Variants in SGIP1 observed in about 807,000 individuals in gnomAD.
SGIP1 encodes SH3-containing GRB2-like protein 3-interacting protein 1.
A neutral mutation model predicts 107.5 loss-of-function variants in SGIP1; 38 were observed. The observed-to-expected ratio is 0.35, with a 90% CI of 0.27 to 0.46. The LOEUF is 0.46. Among genes scored for constraint, SGIP1 ranks in the 20% least tolerant of loss-of-function variants. The pLI is 1.00. For synonymous variants in SGIP1, 365 were observed against 366.1 expected (o/e 1.00, Z 0.03); for missense variants, 929 against 1,019.5 (o/e 0.91, Z 1.21).
rs530074076 is a variant in SGIP1, at chr1:66,701,254, G to T, written c.1630+5761G>T. 6.6e-5 allele frequency among the ~76,000 whole-genome samples: 10 copies of T among 152,282 alleles called. No homozygotes were observed. In the South Asian group the frequency reaches 2.1e-3, roughly 32 times the overall value. On this transcript the variant is annotated intron_variant, in intron 18 of 24. Coordinates refer to ENST00000371037, the MANE Select transcript of SGIP1 (RefSeq NM_032291.4). Reference sequence around the variant, plus strand: ...GAAGATATGACCAATTTTCTGGGGAGCAATGGCTATGCTAAATTCACATTA... The same window carrying T: ...GAAGATATGACCAATTTTCTGGGGATCAATGGCTATGCTAAATTCACATTA...
chr1:66,742,517 T>TGC (rs2094486792), intron 24 of SGIP1, among the ~76,000 whole-genome samples: 2 of 127,866 alleles, frequency 1.6e-5, no homozygotes, highest in Non-Finnish European at 3.2e-5. Flanking sequence ...TCGCCCAGGC[T>TGC]GGAGTGCAGT....
intron 1 of SGIP1, among the ~76,000 whole-genome samples, chr1:66,554,164 G>A (rs985100501): frequency 6.6e-5 from 10 of 152,086 alleles, no homozygotes; most frequent in African/African-American, 2.4e-4. Flanking sequence ...TTTGCTTAAT[G>A]TGTGTTTCCT....
In SGIP1 at chr1:66,746,610, T is replaced by C. The variant is rs894782061; in HGVS notation, c.*3515T>C. On this transcript the variant is annotated 3_prime_UTR_variant, in exon 25 of 25. Transcript: ENST00000371037. ...GAGATATTAGCTCATTTAATTCTCTTATCAATCAAAAAATTGTAAGTACTC... is the reference window on the plus strand; with the variant it reads ...GAGATATTAGCTCATTTAATTCTCTCATCAATCAAAAAATTGTAAGTACTC... 6 of 152,136 alleles carry C rather than the reference T, an allele frequency of 3.9e-5. No homozygotes were observed. Among genetic ancestry groups the C allele is most frequent in the Non-Finnish European group, 7.4e-5 (5 of 67,962 alleles). The allele number at this position is 152,136 out of a possible 1,614,324, so 9.4% of individuals were successfully genotyped here.
At chr1:66,540,813 G>C in intron 1 of SGIP1, among the ~76,000 whole-genome samples, 1 of 152,182 alleles carries the variant, frequency 6.6e-6, no homozygotes, top group South Asian at 2.1e-4. Flanking sequence ...CTGGCTGTAT[G>C]CCATGAGAAA....
chr1:66,610,147 T>C (rs574475241), intron 1 of SGIP1, among the ~76,000 whole-genome samples: 1 of 152,268 alleles, frequency 6.6e-6, no homozygotes, highest in South Asian at 2.1e-4. Context: ...TCTAGACATT[T>C]AGAAAATAAT....
chr1:66,732,103 AT>A (rs1481720115), intron 20 of SGIP1, among the ~76,000 whole-genome samples: 1 of 152,188 alleles, frequency 6.6e-6, no homozygotes, highest in Non-Finnish European at 1.5e-5. Context: ...CAGCAAATGT[AT>A]TTCTTTAAAA....
At chr1:66,610,712 T>G (rs924827595) in intron 1 of SGIP1, among the ~76,000 whole-genome samples, 1 of 83,634 alleles carries the variant, frequency 1.2e-5, no homozygotes, top group Non-Finnish European at 2.2e-5. Flanking sequence ...AGTCATAGTA[T>G]AGATTTTTTT....
intron 22 of SGIP1, among the ~76,000 whole-genome samples, chr1:66,740,273 G>A (rs1374044782): frequency 2.0e-5 from 3 of 152,174 alleles, no homozygotes; most frequent in South Asian, 2.1e-4. Flanking sequence ...TTTTCCATAC[G>A]ACTGTCAGAA....
At chr1:66,611,940 TC>T (rs2068100781) in intron 1 of SGIP1, among the ~76,000 whole-genome samples, 1 of 152,146 alleles carries the variant, frequency 6.6e-6, no homozygotes, top group Non-Finnish European at 1.5e-5. Context: ...TGTTACAGAA[TC>T]TTAGAGTCAG....
chr1:66,549,094 G>A (rs931145445), intron 1 of SGIP1, among the ~76,000 whole-genome samples: 2 of 152,050 alleles, frequency 1.3e-5, no homozygotes, highest in Non-Finnish European at 2.9e-5. Context: ...TGCTGGCTGT[G>A]CCCCCCTGGG....
At position 66,745,289 on chromosome 1, in the gene SGIP1, C is replaced by T. The variant is rs1193139860; in HGVS notation, c.*2194C>T. 6.6e-6 allele frequency: 1 copy of T among 151,792 alleles called. No individual in the cohort carries two copies. Among genetic ancestry groups the T allele is most frequent in the African/African-American group, 2.4e-5 (1 of 41,364 alleles). 9.4% of individuals were successfully genotyped at this position (151,792 alleles called of 1,614,324 possible). A position where few individuals can be genotyped will look rare whatever the true frequency, so the allele number is the denominator to read the frequency against. On this transcript the variant is annotated 3_prime_UTR_variant, in exon 25 of 25. Coordinates refer to ENST00000371037, the MANE Select transcript of SGIP1 (RefSeq NM_032291.4). The stretch of plus-strand genomic sequence containing the variant: ...TTAAATTAGAAACTATGAAGAAATC[C>T]TATAATCTCTTAACTGGTCTTTATG...
At chr1:66,552,911 G>A (rs575980952) in intron 1 of SGIP1, among the ~76,000 whole-genome samples, 1 of 152,132 alleles carries the variant, frequency 6.6e-6, no homozygotes, top group Non-Finnish European at 1.5e-5. Flanking sequence ...AAGCAGATAA[G>A]TTTTCCCTTT....
intron 15 of SGIP1, chr1:66,684,009 G>T (rs544913429): frequency 2.7e-6 from 4 of 1,497,170 alleles, no homozygotes; most frequent in South Asian, 1.3e-5. Flanking sequence ...GAGCTACCGC[G>T]CCCAGCCCTA....
At position 66,562,041 on chromosome 1, in the gene SGIP1, A is replaced by G. The variant is rs370754221; in HGVS notation, c.10+27673A>G. Among the ~76,000 whole-genome samples, 10 of 151,912 alleles carry G rather than the reference A, an allele frequency of 6.6e-5. No homozygotes were observed. The East Asian group carries it at 9.7e-4, about 15-fold the overall frequency. ...TACATCTAACAGCTCCTGACTTCCCAAATCGAAGATTTCTTCTGTATCAGT... is the reference window on the plus strand; with the variant it reads ...TACATCTAACAGCTCCTGACTTCCCGAATCGAAGATTTCTTCTGTATCAGT... On this transcript the variant is annotated intron_variant, in intron 1 of 24. Transcript: ENST00000371037.
intron 1 of SGIP1, among the ~76,000 whole-genome samples, chr1:66,610,522 C>T (rs1028833911): frequency 3.9e-5 from 6 of 152,138 alleles, no homozygotes; most frequent in Admixed American, 2.6e-4. Flanking sequence ...AATTTAGCTA[C>T]CCATTAGTTG....
chr1:66,560,496 A>G (rs531804983), intron 1 of SGIP1, among the ~76,000 whole-genome samples: 1 of 152,190 alleles, frequency 6.6e-6, no homozygotes, highest in South Asian at 2.1e-4. Context: ...GATAAATTTT[A>G]CAGTAAGCAA....
intron 20 of SGIP1, among the ~76,000 whole-genome samples, chr1:66,733,416 GTTTC>G (rs2094106339): frequency 6.6e-6 from 1 of 152,092 alleles, no homozygotes; most frequent in Non-Finnish European, 1.5e-5. Context: ...GACAAAGCTG[GTTTC>G]ATAGAAAGGG....
At chr1:66,554,283 G>A (rs2057861615) in intron 1 of SGIP1, among the ~76,000 whole-genome samples, 1 of 152,116 alleles carries the variant, frequency 6.6e-6, no homozygotes, top group African/African-American at 2.4e-5. Context: ...GCTCTACTGA[G>A]TTAAAAATCT....
At position 66,682,028 on chromosome 1, in the gene SGIP1, C is replaced by T. The variant is rs763289150; in HGVS notation, c.974C>T (p.Pro325Leu). 1.7e-5 allele frequency: 28 copies of T among 1,614,054 alleles called. No individual in the cohort carries two copies. The highest frequency in any genetic ancestry group is 5.0e-5 in the Admixed American group (3 of 60,008). ...GATACATCCCCGGAACATGTTACTC[C>T]GGAGTTGACTCCAAGGGAAAAAGTG... ...FSDTSPEHVT[P>L]ELTPREKVVS... The change falls in exon 15 of 25, where the codon CCG becomes CTG. Residue 325 changes from proline (P) to leucine (L), a missense_variant. Coordinates refer to ENST00000371037, the MANE Select transcript of SGIP1 (RefSeq NM_032291.4).
Sources: gnomAD v4.1 joint callset for allele counts (sites outside exome capture counted in the v4.1 genomes callset) on GRCh38, gnomAD v4.1.1 for gene constraint, MANE v1.5 for transcripts, NCBI Gene and HGNC (gene_info 2026-07-23, HGNC 2026-07-21) for gene names.